Variants in RAD52 observed in about 807,000 individuals in gnomAD.
The protein encoded by RAD52 is DNA repair protein RAD52 homolog.
Under a neutral mutation model 55.5 loss-of-function variants are expected in RAD52, and 47 were observed. The observed-to-expected ratio is 0.85, with a 90% CI of 0.67 to 1.08. The LOEUF (loss-of-function observed/expected upper bound fraction) is 1.08, where lower values mean the gene tolerates loss of function less well. Ranked by LOEUF, RAD52 falls within the 50% of genes least tolerant of loss-of-function variation. RAD52 has a pLI of 0.00. For synonymous variants in RAD52, 184 were observed against 198.9 expected, an observed-to-expected ratio of 0.92 and a Z score of 0.63; for missense variants, 468 against 522.8, an observed-to-expected ratio of 0.90 and a Z score of 1.02.
Position 913,250 on chromosome 12 carries a change from T to G in RAD52, c.*141A>C. ...TAACTGCAGTGGGCTCTCAGTCAGA[T>G]CCTCTTGATAAGGTTCAGAATGAAG... On this transcript the variant is annotated 3_prime_UTR_variant, in exon 12 of 12. Coordinates refer to ENST00000358495, the MANE Select transcript of RAD52 (RefSeq NM_134424.4). The G allele has an allele frequency of 1.4e-6, 1 of 725,028 alleles. No individual in the cohort carries two copies. Among genetic ancestry groups the G allele is most frequent in the South Asian group, 1.8e-5 (1 of 56,924 alleles). The allele number at this position is 725,028 out of a possible 1,614,324, so 44.9% of individuals were successfully genotyped here. A position where few individuals can be genotyped will look rare whatever the true frequency, so the allele number is the denominator to read the frequency against.
chr12:971,477 C>T (rs1227978199), intron 1 of RAD52, among the ~76,000 whole-genome samples: 1 of 152,000 alleles, frequency 6.6e-6, no homozygotes, highest in African/African-American at 2.4e-5. Context: ...AGTAAGTTCA[C>T]CTTTGGTTAC....
upstream of RAD52, among the ~76,000 whole-genome samples, chr12:951,101 G>C (rs886319886): frequency 6.6e-6 from 1 of 151,418 alleles, no homozygotes; most frequent in African/African-American, 2.4e-5. Flanking sequence ...GTCATCTTTT[G>C]ATAAATGATT....
At chr12:934,681 G>T (rs1421006478) in intron 1 of RAD52, among the ~76,000 whole-genome samples, 1 of 152,074 alleles carries the variant, frequency 6.6e-6, no homozygotes, top group Non-Finnish European at 1.5e-5. Flanking sequence ...GAATTACCTT[G>T]ACTGTGGTAA....
upstream of RAD52, chr12:990,729 C>G (rs1387436885): frequency 1.3e-5 from 2 of 152,248 alleles, no homozygotes; most frequent in African/African-American, 4.8e-5. Context: ...CAGGGTCGAT[C>G]CCGGCGCTGC....
chr12:925,760 T>G (rs544062465), intron 6 of RAD52, among the ~76,000 whole-genome samples: 3 of 152,032 alleles, frequency 2.0e-5, no homozygotes, highest in Non-Finnish European at 2.9e-5. Flanking sequence ...ACAGAGAAGA[T>G]GAGTATGAAA....
rs369565229 is a variant in RAD52, at chr12:956,604, T to C, written c.-18-23528A>G. On this transcript the variant is annotated intron_variant, in intron 1 of 11. Transcript: ENST00000430095. ...CTGCTTGACTCAGGCTGGAGTGCAGTGGTGTGATATTGGCTCACTGCAACC... is the reference window on the plus strand; with the variant it reads ...CTGCTTGACTCAGGCTGGAGTGCAGCGGTGTGATATTGGCTCACTGCAACC... Among the ~76,000 whole-genome samples the C allele has an allele frequency of 1.8e-3, 271 of 152,314 alleles. 4 individuals carry two copies. The South Asian group carries it at 0.034, about 19-fold the overall frequency.
intron 6 of RAD52, 52 bp downstream of exon 6, chr12:927,093 T>C: frequency 1.9e-6 from 3 of 1,575,636 alleles, no homozygotes; most frequent in East Asian, 2.2e-5. Context: ...CGAAATCTGC[T>C]CTGAAGCAAG....
At chr12:927,584 G>A (rs757510702) in intron 5 of RAD52, among the ~76,000 whole-genome samples, 8 of 152,064 alleles carry the variant, frequency 5.3e-5, no homozygotes, top group Non-Finnish European at 1.2e-4. Flanking sequence ...TGGGATGGCC[G>A]GGCCGGGCGT....
rs2154108607 is a variant in RAD52 at position 916,458 on chromosome 12, T to C, written c.751A>G (p.Ser251Gly). 6.2e-7 allele frequency: 1 copy of C among 1,607,738 alleles called. No homozygotes were observed. The highest frequency in any genetic ancestry group is 1.3e-5 in the African/African-American group (1 of 74,994). The change falls in exon 9 of 12, where the codon AGC (serine) becomes GGC (glycine). Residue 251 changes from serine to glycine, a missense_variant. Coordinates refer to ENST00000358495, the MANE Select transcript of RAD52 (RefSeq NM_134424.4). Reference protein sequence around the residue: ...SRSLSSSAVESEATHQRKLRQ... With the variant: ...SRSLSSSAVEGEATHQRKLRQ... Reference sequence around the variant, plus strand: ...AGCTTCCGCTGGTGCGTGGCCTCGCTCTCCACGGCGGATGAGCTCAGGCTT... The same window carrying C: ...AGCTTCCGCTGGTGCGTGGCCTCGCCCTCCACGGCGGATGAGCTCAGGCTT...
intron 1 of RAD52, among the ~76,000 whole-genome samples, chr12:944,363 G>A (rs1044534046): frequency 2.6e-5 from 4 of 151,908 alleles, no homozygotes; most frequent in South Asian, 2.1e-4. Context: ...GCAGCAAAAC[G>A]TTAGTCGGGC....
rs1363249413 is a variant in RAD52, at chr12:986,327, G to T, written c.-19+3482C>A. On this transcript the variant is annotated intron_variant, in intron 1 of 11. Coordinates refer to the RAD52 transcript ENST00000430095. Reference sequence around the variant, plus strand: ...AATCCTTCTGCCTCAGTTTCCCAAAGTGCTGGGATTACAGGAGTGAACTAC... The same window carrying T: ...AATCCTTCTGCCTCAGTTTCCCAAATTGCTGGGATTACAGGAGTGAACTAC... Among the ~76,000 whole-genome samples, 5 of 152,006 alleles carry T rather than the reference G, an allele frequency of 3.3e-5. No homozygotes were observed. The South Asian group carries it at 1.0e-3, about 32-fold the overall frequency.
chr12:973,158 C>CT (rs1958889087), intron 1 of RAD52, among the ~76,000 whole-genome samples: 1 of 152,130 alleles, frequency 6.6e-6, no homozygotes, highest in Non-Finnish European at 1.5e-5. Context: ...CAAGCTCCCC[C>CT]TCCCGGGTTG....
At chr12:929,915 G>A (rs777064698) in intron 4 of RAD52, 29 bp from the exon 5 acceptor site, 1 of 1,602,148 alleles carries the variant, frequency 6.2e-7, no homozygotes, top group South Asian at 1.1e-5. Context: ...GCAAGTTGAA[G>A]AGGACACTGA....
chr12:970,287 C>T (rs1380305698), intron 1 of RAD52, among the ~76,000 whole-genome samples: 1 of 129,632 alleles, frequency 7.7e-6, no homozygotes, highest in African/African-American at 2.9e-5. Context: ...CTACTGCACT[C>T]CAGCCTGGGC....
At chr12:931,170 C>T (rs775256073) in intron 3 of RAD52, 50 bp downstream of exon 3, 19 of 1,453,234 alleles carry the variant, frequency 1.3e-5, no homozygotes, top group Middle Eastern at 1.7e-4. Context: ...GCAAGACCAT[C>T]GGAGTCTGCG....
At chr12:947,886 C>CA (rs10602471) in intron 1 of RAD52, among the ~76,000 whole-genome samples, 17 of 91,092 alleles carry the variant, frequency 1.9e-4, no homozygotes, top group Admixed American at 8.0e-4. Flanking sequence ...AACTTCATCT[C>CA]AAAAAAAAAA....
rs754237731 is a variant in RAD52, at chr12:916,524, C to A, written c.726-41G>T. 3 of 1,605,668 alleles carry A rather than the reference C, an allele frequency of 1.9e-6. No homozygotes were observed. In the Admixed American group the frequency reaches 5.0e-5, roughly 27 times the overall value. ...GCGGCGAGGACGGGCTCCTGAGCAA[C>A]AGCCGCGGCTGCTGGGAGGACACGC... On this transcript the variant is annotated intron_variant, in intron 8 of 11. Coordinates refer to ENST00000358495, the MANE Select transcript of RAD52 (RefSeq NM_134424.4).
intron 1 of RAD52, chr12:937,003 G>A (rs993953284): frequency 6.6e-6 from 1 of 152,218 alleles, no homozygotes; most frequent in African/African-American, 2.4e-5. Flanking sequence ...TGCCTTGGAG[G>A]TGTAAGGGTC....
chr12:950,781 AATT>A (rs1419695687), upstream of RAD52, among the ~76,000 whole-genome samples: 1 of 151,858 alleles, frequency 6.6e-6, no homozygotes, highest in African/African-American at 2.4e-5. Flanking sequence ...ATATACAATA[AATT>A]ATTATTAACT....
Sources: allele counts gnomAD v4.1 joint callset (sites outside exome capture counted in the v4.1 genomes callset), GRCh38; gene constraint gnomAD v4.1.1; transcripts MANE v1.5; gene names NCBI Gene and HGNC (gene_info 2026-07-23, HGNC 2026-07-21).